CNTN1: variants seen among roughly 807,000 people sequenced by gnomAD.
CNTN1 encodes the protein contactin-1.
Under a neutral mutation model 126.4 loss-of-function variants are expected in CNTN1, and 38 were observed. The ratio of observed to expected loss-of-function variants is 0.30; its 90% confidence interval spans 0.23 to 0.39. CNTN1 has a LOEUF of 0.39. Among genes scored for constraint, CNTN1 ranks in the 10% least tolerant of loss-of-function variants. CNTN1 has a pLI of 1.00. For synonymous variants in CNTN1, 413 were observed against 422.6 expected, an observed-to-expected ratio of 0.98 and a Z score of 0.28; for missense variants, 1,009 against 1,248.4, an observed-to-expected ratio of 0.81 and a Z score of 2.89.
intron 1 of CNTN1, among the ~76,000 whole-genome samples, chr12:40,898,767 ATT>A (rs1944501903): frequency 6.6e-6 from 1 of 152,236 alleles, no homozygotes; most frequent in Non-Finnish European, 1.5e-5. Context: ...CATCAGTCTC[ATT>A]CTCCCTTCAG....
intron 1 of CNTN1, among the ~76,000 whole-genome samples, chr12:40,830,958 T>C (rs765562984): frequency 0.038 from 4,174 of 111,182 alleles, 79 homozygotes; most frequent in Middle Eastern, 0.056. Context: ...TATATATATA[T>C]ATATACACAC....
At chr12:40,757,131 A>G (rs1052961903) in intron 1 of CNTN1, among the ~76,000 whole-genome samples, 2 of 152,082 alleles carry the variant, frequency 1.3e-5, no homozygotes, top group African/African-American at 4.8e-5. Context: ...TATGGCAAAG[A>G]AAGAGTGACT....
intron 14 of CNTN1, among the ~76,000 whole-genome samples, chr12:40,954,062 C>A (rs1347532370): frequency 1.3e-5 from 2 of 152,044 alleles, no homozygotes. Context: ...AATGACATGG[C>A]TCATTGAAAT....
intron 1 of CNTN1, among the ~76,000 whole-genome samples, chr12:40,744,156 A>C (rs375062265): frequency 1.3e-5 from 2 of 152,154 alleles, no homozygotes; most frequent in South Asian, 4.1e-4. Context: ...GAGGGAGGGA[A>C]AGCATCAGGT....
chr12:40,828,938 G>A (rs1305280461), intron 1 of CNTN1, among the ~76,000 whole-genome samples: 1 of 152,048 alleles, frequency 6.6e-6, no homozygotes, highest in Admixed American at 6.6e-5. Flanking sequence ...GATAGATGAC[G>A]TGTTGTGACA....
At chr12:41,003,272 C>T (rs1948410639) in intron 17 of CNTN1, among the ~76,000 whole-genome samples, 1 of 152,112 alleles carries the variant, frequency 6.6e-6, no homozygotes, top group South Asian at 2.1e-4. Flanking sequence ...TTAAACAAGC[C>T]TTGCTTCCCA....
At chr12:41,037,845 T>C (rs1415519719) in intron 23 of CNTN1, among the ~76,000 whole-genome samples, 1 of 152,002 alleles carries the variant, frequency 6.6e-6, no homozygotes, top group Non-Finnish European at 1.5e-5. Flanking sequence ...TACAAAGGCA[T>C]TGATGGTATT....
intron 23 of CNTN1, among the ~76,000 whole-genome samples, chr12:41,064,122 C>G (rs1425971490): frequency 1.3e-5 from 2 of 150,190 alleles, no homozygotes; most frequent in South Asian, 4.2e-4. Flanking sequence ...TTCAGTTAGC[C>G]GAGATCGCGC....
chr12:40,795,261 A>C (rs367789550), intron 1 of CNTN1, among the ~76,000 whole-genome samples: 2 of 147,602 alleles, frequency 1.4e-5, no homozygotes. Flanking sequence ...CTCTGTAAAC[A>C]TGTCTACATG....
chr12:41,014,105 T>G, intron 17 of CNTN1, 123 bp from the exon 18 acceptor site: 1 of 807,990 alleles, frequency 1.2e-6, no homozygotes. Flanking sequence ...TTGTCCAGTA[T>G]GTTTTTCCTA....
Position 40,929,986 on chromosome 12 carries a change from C to T in CNTN1, c.687C>T (p.Leu229=). The T allele has an allele frequency of 6.2e-7, 1 of 1,609,450 alleles. No homozygotes were observed. The highest frequency in any genetic ancestry group is 8.5e-7 in the Non-Finnish European group (1 of 1,176,026). Residue 229 remains leucine, a synonymous_variant, in exon 7 of 24, where the codon CTC becomes CTT. Coordinates refer to ENST00000551295, the MANE Select transcript of CNTN1 (RefSeq NM_001843.4). ...GCGTGTTCAGCAAATTCATCCCACT[C>T]ATTCCAATACCTGAACGTAAGTATT... ...TKSVFSKFIP[L]IPIPERTTKP...
At chr12:40,997,508 A>G (rs1948249231) in intron 17 of CNTN1, among the ~76,000 whole-genome samples, 1 of 152,202 alleles carries the variant, frequency 6.6e-6, no homozygotes, top group Admixed American at 6.5e-5. Flanking sequence ...GAATAGAACT[A>G]AGAAAATATT....
At position 40,922,432 on chromosome 12, in the gene CNTN1, A is replaced by T; in HGVS notation, c.400+4A>T. The T allele has an allele frequency of 6.2e-7, 1 of 1,613,834 alleles. No individual in the cohort carries two copies. Among genetic ancestry groups the T allele is most frequent in the Non-Finnish European group, 8.5e-7 (1 of 1,179,792 alleles). On this transcript the variant is annotated splice_donor_region_variant and intron_variant, in intron 5 of 23. Transcript: ENST00000551295. ...GAAGCAACCCTGAGCTTTGGATGTA[A>T]GTAAACTGTAACTTTTAAAAAAGGG...
At chr12:40,768,228 T>C (rs1427712237) in intron 1 of CNTN1, among the ~76,000 whole-genome samples, 1 of 152,230 alleles carries the variant, frequency 6.6e-6, no homozygotes, top group African/African-American at 2.4e-5. Context: ...ATGTCAGTAA[T>C]GTTATTTCAT....
chr12:40,999,178 G>A (rs1948294298), intron 17 of CNTN1, among the ~76,000 whole-genome samples: 1 of 152,022 alleles, frequency 6.6e-6, no homozygotes, highest in Non-Finnish European at 1.5e-5. Flanking sequence ...ATCTATGACT[G>A]AAATACAGAA....
At chr12:40,756,735 G>A (rs578151999) in intron 1 of CNTN1, among the ~76,000 whole-genome samples, 9 of 152,186 alleles carry the variant, frequency 5.9e-5, no homozygotes, top group Admixed American at 2.6e-4. Flanking sequence ...AAGAGGCTTC[G>A]CGTCATCATC....
chr12:40,828,203 G>C (rs143204256), intron 1 of CNTN1: 1 of 152,292 alleles, frequency 6.6e-6, no homozygotes, highest in Non-Finnish European at 1.5e-5. Flanking sequence ...TCTGCTGCAG[G>C]AGAGAGGCGT....
At chr12:40,919,237 T>C (rs564717461) in intron 4 of CNTN1, among the ~76,000 whole-genome samples, 1 of 152,286 alleles carries the variant, frequency 6.6e-6, no homozygotes, top group Admixed American at 6.5e-5. Context: ...CAGTCTCATA[T>C]CTATATTCCA....
intron 16 of CNTN1, among the ~76,000 whole-genome samples, chr12:40,986,816 A>G (rs986173643): frequency 2.6e-5 from 4 of 152,264 alleles, no homozygotes; most frequent in South Asian, 2.1e-4. Flanking sequence ...ATGAAGGCCT[A>G]TGAAAAATAA....
Sources: gnomAD v4.1 joint callset for allele counts (sites outside exome capture counted in the v4.1 genomes callset) on GRCh38, gnomAD v4.1.1 for gene constraint, MANE v1.5 for transcripts, NCBI Gene and HGNC (gene_info 2026-07-23, HGNC 2026-07-21) for gene names.